The following COL6A6 variants were observed in gnomAD, a reference collection of about 807,000 sequenced individuals.
COL6A6 encodes the protein collagen type VI alpha 6 chain, also known as collagen alpha-6(VI) chain.
In COL6A6, 183 loss-of-function variants were observed where a neutral mutation model predicts 208.6. The ratio of observed to expected loss-of-function variants is 0.88; its 90% confidence interval spans 0.78 to 0.99. The LOEUF (loss-of-function observed/expected upper bound fraction) is 0.99, where lower values mean the gene tolerates loss of function less well. Among genes scored for constraint, COL6A6 ranks in the 50% least tolerant of loss-of-function variants. COL6A6 has a pLI of 0.00. For missense variants in COL6A6, 2,816 were observed against 2,815.2 expected (o/e 1.00, Z -0.01); for synonymous variants, 973 against 1,011.8 (o/e 0.96, Z 0.73).
At chr3:130,594,181 A>T in intron 17 of COL6A6, 100 bp from the exon 18 acceptor site, 3 of 951,622 alleles carry the variant, frequency 3.2e-6, no homozygotes, top group Non-Finnish European at 4.8e-6. Context: ...TTTGTAGAAA[A>T]ATATTTAATT....
chr3:130,589,213 T>G, intron 12 of COL6A6, 31 bp downstream of exon 12: 2 of 1,496,820 alleles, frequency 1.3e-6, no homozygotes, highest in South Asian at 2.3e-5. Context: ...TGGGTTACTT[T>G]GAGTTGTAGT....
At chr3:130,635,416 C>G (rs1170420039) in intron 27 of COL6A6, among the ~76,000 whole-genome samples, 1 of 152,074 alleles carries the variant, frequency 6.6e-6, no homozygotes, top group African/African-American at 2.4e-5. Context: ...CAGTAAATGC[C>G]AGGTCCTATG....
chr3:130,646,439 T>TGGC (rs965402210), intron 32 of COL6A6: 1 of 152,520 alleles, frequency 6.6e-6, no homozygotes, highest in African/African-American at 2.4e-5. Context: ...CTGGGCGTGG[T>TGGC]GGCACATGCC....
intron 1 of COL6A6, among the ~76,000 whole-genome samples, chr3:130,542,568 A>G (rs890476287): frequency 3.3e-5 from 5 of 152,110 alleles, no homozygotes; most frequent in Non-Finnish European, 7.4e-5. Context: ...GAGTTCAGCT[A>G]TGTCCTCACT....
chr3:130,660,524 T>C (rs567892497), intron 34 of COL6A6, among the ~76,000 whole-genome samples: 29 of 152,362 alleles, frequency 1.9e-4, no homozygotes, highest in African/African-American at 6.5e-4. Context: ...CATTTTTCTT[T>C]CTTATCTTTG....
intron 1 of COL6A6, among the ~76,000 whole-genome samples, chr3:130,524,325 C>G (rs2061910728): frequency 6.6e-6 from 1 of 152,222 alleles, no homozygotes; most frequent in African/African-American, 2.4e-5. Flanking sequence ...CTTTGACGCA[C>G]TTACCTAATA....
intron 32 of COL6A6, 119 bp from the exon 33 acceptor site, chr3:130,648,950 T>C: frequency 1.3e-6 from 1 of 785,482 alleles, no homozygotes. Flanking sequence ...TTTGTTTTAA[T>C]ACTTAAATTA....
chr3:130,661,046 A>G (rs903920240), intron 34 of COL6A6, among the ~76,000 whole-genome samples: 2 of 152,208 alleles, frequency 1.3e-5, no homozygotes, highest in Non-Finnish European at 2.9e-5. Flanking sequence ...CTCATTTAGG[A>G]AAGTCCATTA....
rs778271663 is a variant in COL6A6, at chr3:130,570,810, T to A, written c.2402-8T>A. The A allele has an allele frequency of 2.5e-6, 4 of 1,601,080 alleles. No homozygotes were observed. The African/African-American group carries it at 5.4e-5, about 21-fold the overall frequency. ...CTCATATGGTTTACCTCTCTCTTCCTCTTTCAGAATGCAAGCGGATTGAAG... is the reference window on the plus strand; with the variant it reads ...CTCATATGGTTTACCTCTCTCTTCCACTTTCAGAATGCAAGCGGATTGAAG... On this transcript the variant is annotated splice_region_variant and splice_polypyrimidine_tract_variant and intron_variant, in intron 6 of 36. Transcript: ENST00000358511.
intron 1 of COL6A6, among the ~76,000 whole-genome samples, chr3:130,549,603 T>G (rs766311626): frequency 2.0e-5 from 3 of 152,216 alleles, no homozygotes; most frequent in Non-Finnish European, 4.4e-5. Flanking sequence ...AGTTTCAATC[T>G]TCTGCATATG....
At position 130,675,486 on chromosome 3, in the gene COL6A6, A is replaced by C; in HGVS notation, c.*89A>C. The C allele has an allele frequency of 1.0e-6, 1 of 955,906 alleles. No homozygotes were observed. Among genetic ancestry groups the C allele is most frequent in the East Asian group, 2.6e-5 (1 of 37,900 alleles). 59.2% of individuals were successfully genotyped at this position (955,906 alleles called of 1,614,324 possible). On this transcript the variant is annotated 3_prime_UTR_variant, in exon 37 of 37. Transcript: ENST00000358511. ...AATCTGCTGCCAGAACTCAAGCAAC[A>C]GTTTGTAGGTTATCAGGTGACTTGA...
intron 8 of COL6A6, among the ~76,000 whole-genome samples, chr3:130,575,889 C>T (rs2063283703): frequency 6.6e-6 from 1 of 152,114 alleles, no homozygotes; most frequent in Non-Finnish European, 1.5e-5. Flanking sequence ...AAGATCTCTC[C>T]ATCACAGTTT....
intron 23 of COL6A6, among the ~76,000 whole-genome samples, chr3:130,611,977 T>C (rs2064372541): frequency 6.6e-6 from 1 of 152,134 alleles, no homozygotes; most frequent in African/African-American, 2.4e-5. Flanking sequence ...TGTTCCCCTC[T>C]TTGTGTCCAT....
At chr3:130,642,681 G>C (rs1414171582) in intron 29 of COL6A6, 151 bp from the exon 30 acceptor site, 5 of 624,388 alleles carry the variant, frequency 8.0e-6, no homozygotes, top group Non-Finnish European at 1.4e-5. Flanking sequence ...ATTAGGTAAT[G>C]AGTACCTACC....
chr3:130,546,967 A>G (rs1428821026), intron 1 of COL6A6, among the ~76,000 whole-genome samples: 1 of 152,228 alleles, frequency 6.6e-6, no homozygotes, highest in African/African-American at 2.4e-5. Context: ...AAGTTCTCCA[A>G]GTCCCCACCC....
intron 32 of COL6A6, among the ~76,000 whole-genome samples, chr3:130,648,866 C>A (rs972497823): frequency 2.6e-5 from 4 of 152,016 alleles, no homozygotes; most frequent in African/African-American, 9.7e-5. Flanking sequence ...TCCTTTTGTG[C>A]TTGATTCAAA....
chr3:130,587,702 A>G (rs1272769642), intron 11 of COL6A6, among the ~76,000 whole-genome samples: 1 of 152,262 alleles, frequency 6.6e-6, no homozygotes, highest in Admixed American at 6.5e-5. Context: ...ACACTTTCCA[A>G]GGAAGTGCTA....
At chr3:130,634,764 TA>T (rs1262122674) in intron 27 of COL6A6, 139 bp downstream of exon 27, 1 of 609,196 alleles carries the variant, frequency 1.6e-6, no homozygotes, top group Non-Finnish European at 2.8e-6. Context: ...AAGAAAGAAA[TA>T]GACCAATATT....
At chr3:130,622,427 A>C (rs1316829762) in intron 24 of COL6A6, among the ~76,000 whole-genome samples, 1 of 152,104 alleles carries the variant, frequency 6.6e-6, no homozygotes, top group Non-Finnish European at 1.5e-5. Context: ...GTGGCATAAT[A>C]TATATGACAT....
Sources: gnomAD v4.1 joint callset for allele counts (sites outside exome capture counted in the v4.1 genomes callset) on GRCh38, gnomAD v4.1.1 for gene constraint, MANE v1.5 for transcripts, NCBI Gene and HGNC (gene_info 2026-07-23, HGNC 2026-07-21) for gene names.